CRYM: variants seen among roughly 807,000 people sequenced by gnomAD.
CRYM encodes crystallin mu, also known as ketimine reductase mu-crystallin.
CRYM carries 18 observed loss-of-function variants against 32.9 expected under a neutral mutation model. The observed-to-expected ratio is 0.55, with a 90% CI of 0.38 to 0.81. The LOEUF is 0.81. Among genes scored for constraint, CRYM ranks in the 30% least tolerant of loss-of-function variants. The pLI is 0.00. For synonymous variants in CRYM, 153 were observed against 152.4 expected (o/e 1.00, Z -0.03); for missense variants, 337 against 393.5 (o/e 0.86, Z 1.21).
chr16:21,262,237 T>A, intron 5 of CRYM, 79 bp from the exon 6 acceptor site: 2 of 1,587,554 alleles, frequency 1.3e-6, no homozygotes, highest in South Asian at 1.1e-5. Flanking sequence ...AGGAGAGAGG[T>A]GAACAAAGGA....
chr16:21,274,565 CATT>C (rs1174128050), intron 3 of CRYM, among the ~76,000 whole-genome samples: 4 of 152,042 alleles, frequency 2.6e-5, no homozygotes, highest in Admixed American at 6.6e-5. Flanking sequence ...CTATTTAACA[CATT>C]ATTAAACTCA....
At chr16:21,292,769 A>G (rs1245299528) in intron 1 of CRYM, among the ~76,000 whole-genome samples, 1 of 152,190 alleles carries the variant, frequency 6.6e-6, no homozygotes, top group Non-Finnish European at 1.5e-5. Context: ...TAAGATACAG[A>G]GTTCAAAAAT....
intron 1 of CRYM, among the ~76,000 whole-genome samples, chr16:21,294,828 G>T (rs1020436816): frequency 6.6e-6 from 1 of 151,528 alleles, no homozygotes; most frequent in African/African-American, 2.4e-5. Flanking sequence ...CCAAGTAGCT[G>T]GGACTACAGG....
chr16:21,284,140 T>C (rs1164279091), intron 1 of CRYM: 1 of 137,376 alleles, frequency 7.3e-6, no homozygotes, highest in Non-Finnish European at 1.6e-5. Flanking sequence ...GAATTTTAAC[T>C]TTTTTTTTTT....
intron 1 of CRYM, among the ~76,000 whole-genome samples, chr16:21,289,667 A>G (rs1960568710): frequency 6.6e-6 from 1 of 151,866 alleles, no homozygotes; most frequent in Admixed American, 6.6e-5. Flanking sequence ...CTACCTCCTC[A>G]CTCAGGTGAC....
chr16:21,260,340 C>T (rs1177404217), intron 7 of CRYM, among the ~76,000 whole-genome samples: 1 of 152,084 alleles, frequency 6.6e-6, no homozygotes, highest in Non-Finnish European at 1.5e-5. Flanking sequence ...GAGTCTTGCT[C>T]TGTTGCCCAG....
At chr16:21,261,704 G>A (rs1196891777) in intron 6 of CRYM, 1 of 460,838 alleles carries the variant, frequency 2.2e-6, no homozygotes, top group African/African-American at 2.0e-5. Context: ...GCCAGAAGGT[G>A]GGCAACACAG....
chr16:21,277,295 T>C lies in CRYM; in HGVS notation c.324+136A>G, dbSNP rs2093388550. The C allele has an allele frequency of 8.9e-6, 8 of 896,388 alleles. No individual in the cohort carries two copies. The highest frequency in any genetic ancestry group is 8.2e-5 in the Admixed American group (4 of 48,962). 55.5% of individuals were successfully genotyped at this position (896,388 alleles called of 1,614,324 possible). On this transcript the variant is annotated intron_variant, in intron 2 of 7. Transcript: ENST00000572914. This position sits in a 1 kb window ranked among gnomAD's most constrained non-coding sequence, Gnocchi z 4.2. ...ATACATGGACACAGATAACCTTCAC[T>C]GTTGCTGGTATCCAGTCACTTGCAG...
intron 2 of CRYM, among the ~76,000 whole-genome samples, chr16:21,277,000 T>C (rs1009504187): frequency 6.6e-6 from 1 of 152,138 alleles, no homozygotes; most frequent in Non-Finnish European, 1.5e-5. Context: ...AAACTATGAT[T>C]AGATATTAAA....
chr16:21,270,566 G>T (rs2093373358), intron 3 of CRYM, among the ~76,000 whole-genome samples: 1 of 152,160 alleles, frequency 6.6e-6, no homozygotes, highest in Non-Finnish European at 1.5e-5. Flanking sequence ...TTACAGACGT[G>T]AGCCACCGCA....
Position 21,267,769 on chromosome 16 carries a change from G to A in CRYM, c.490-32C>T, listed in dbSNP as rs371481202. The A allele has an allele frequency of 3.0e-5, 49 of 1,613,068 alleles. No individual in the cohort carries two copies. The African/African-American group carries it at 3.2e-4, about 11-fold the overall frequency. On this transcript the variant is annotated intron_variant, in intron 4 of 7. Coordinates refer to ENST00000572914, the MANE Select transcript of CRYM (RefSeq NM_001376256.1). ...TGGGAGTAACAAGAAGGATATTGGCGCCATTTTTTGGCTGCTTATGTTACA... is the reference window on the plus strand; with the variant it reads ...TGGGAGTAACAAGAAGGATATTGGCACCATTTTTTGGCTGCTTATGTTACA...
intron 1 of CRYM, among the ~76,000 whole-genome samples, chr16:21,294,625 A>T (rs1193374846): frequency 6.7e-6 from 1 of 149,900 alleles, no homozygotes; most frequent in Non-Finnish European, 1.5e-5. Context: ...TTCCTGTGTT[A>T]GTTTGCTGAG....
In CRYM at chr16:21,277,503, G is replaced by A. The variant is rs2093389162; in HGVS notation, c.252C>T (p.Gly84=). 6.2e-7 allele frequency: 1 copy of A among 1,613,890 alleles called. No individual in the cohort carries two copies. Residue 84 remains glycine, a synonymous_variant, in exon 2 of 8, where the codon GGC becomes GGT. Transcript: ENST00000572914. This position sits in a 1 kb window ranked among gnomAD's most constrained non-coding sequence, Gnocchi z 4.2. ...GGTGGGAAGGGACGACCGAGGTGAT[G>A]CCGCGGTCCTCGTAGAAGGTGACCA... ...TKLVTFYEDR[G]ITSVVPSHQA... is the part of the protein sequence containing the mutation.
At chr16:21,287,136 A>G (rs2093408829) in intron 1 of CRYM, among the ~76,000 whole-genome samples, 1 of 152,148 alleles carries the variant, frequency 6.6e-6, no homozygotes, top group South Asian at 2.1e-4. Flanking sequence ...TTGAAATTTG[A>G]TTTTTGGAAG....
chr16:21,302,837 C>T (rs1158068805), intron 1 of CRYM: 1 of 152,192 alleles, frequency 6.6e-6, no homozygotes, highest in Non-Finnish European at 1.5e-5. Context: ...AAAAGAGTTA[C>T]AGATATCTCA....
chr16:21,261,835 A>C, intron 6 of CRYM: 2 of 587,866 alleles, frequency 3.4e-6, no homozygotes, highest in Non-Finnish European at 6.0e-6. Flanking sequence ...CCAGGAACAC[A>C]CATGTCACCA....
At chr16:21,273,254 A>G (rs2093379790) in intron 3 of CRYM, among the ~76,000 whole-genome samples, 1 of 152,174 alleles carries the variant, frequency 6.6e-6, no homozygotes, top group South Asian at 2.1e-4. Context: ...ATTCTCCCCA[A>G]CAAGAGCCCT....
intron 1 of CRYM, among the ~76,000 whole-genome samples, chr16:21,294,601 T>C (rs529121899): frequency 1.6e-4 from 25 of 152,138 alleles, no homozygotes; most frequent in African/African-American, 6.0e-4. Flanking sequence ...GAACATGCAG[T>C]GTTCGGTTTT....
At chr16:21,273,150 T>A (rs1434415045) in intron 3 of CRYM, among the ~76,000 whole-genome samples, 2 of 152,132 alleles carry the variant, frequency 1.3e-5, no homozygotes, top group Non-Finnish European at 2.9e-5. Flanking sequence ...ACTATCACCT[T>A]GAGAAAACAT....
Sources: allele counts gnomAD v4.1 joint callset (sites outside exome capture counted in the v4.1 genomes callset), GRCh38; gene constraint gnomAD v4.1.1; non-coding constraint Gnocchi (gnomAD v3.1); transcripts MANE v1.5; gene names NCBI Gene and HGNC (gene_info 2026-07-23, HGNC 2026-07-21).